Variants in CHRM3 observed in about 807,000 individuals in gnomAD.
CHRM3 encodes muscarinic acetylcholine receptor M3.
In CHRM3, 11 loss-of-function variants were observed where a neutral mutation model predicts 41.8. The observed-to-expected ratio is 0.26, with a 90% CI of 0.17 to 0.44. The LOEUF is 0.44. Ranked by LOEUF, CHRM3 falls within the 20% of genes least tolerant of loss-of-function variation. The probability of loss-of-function intolerance (pLI) is 1.00; values close to 1 mark genes in which losing one functional copy is unlikely to be tolerated. For missense variants in CHRM3, 571 were observed against 745.4 expected (o/e 0.77, Z 2.72); for synonymous variants, 297 against 301.4 (o/e 0.99, Z 0.15).
chr1:239,779,706 G>T (rs114982442), intron 5 of CHRM3, among the ~76,000 whole-genome samples: 2 of 152,174 alleles, frequency 1.3e-5, no homozygotes, highest in African/African-American at 4.8e-5. Flanking sequence ...CTGTACTCCA[G>T]ACTTGGCAAC....
intron 2 of CHRM3, among the ~76,000 whole-genome samples, chr1:239,545,247 TG>T (rs933406383): frequency 6.6e-5 from 10 of 152,306 alleles, no homozygotes; most frequent in African/African-American, 2.4e-4. Flanking sequence ...AGGTATTACA[TG>T]TTCTCACTTA....
intron 4 of CHRM3, among the ~76,000 whole-genome samples, chr1:239,662,884 T>TTCC (rs879733766): frequency 0.48 from 54,827 of 113,632 alleles, 17,412 homozygotes; most frequent in East Asian, 0.66. Flanking sequence ...CTTTCTCCTC[T>TTCC]TCCTCCTCCT....
chr1:239,690,253 A>C lies in CHRM3; in HGVS notation c.-147+11965A>C, dbSNP rs184496477. Among the ~76,000 whole-genome samples, 658 of 152,090 alleles carry C rather than the reference A, an allele frequency of 4.3e-3. 1 individual carries two copies. The highest frequency in any genetic ancestry group is 5.9e-3 in the Non-Finnish European group (399 of 67,992). ...TTATTTTATTTTATTTTAGAGACAG[A>C]GTCTCTCTGTCACCAGGCTGGAGTG... is the stretch of plus-strand genomic sequence containing the variant. On this transcript the variant is annotated intron_variant, in intron 5 of 6. Coordinates refer to ENST00000676153, the MANE Select transcript of CHRM3 (RefSeq NM_001375978.1).
At chr1:239,464,504 C>T (rs1665586314) in intron 1 of CHRM3, among the ~76,000 whole-genome samples, 1 of 152,114 alleles carries the variant, frequency 6.6e-6, no homozygotes, top group Non-Finnish European at 1.5e-5. Flanking sequence ...CCCTCTGTTT[C>T]GTCCCCAAAG....
intron 6 of CHRM3, among the ~76,000 whole-genome samples, chr1:239,865,107 T>A (rs1184430922): frequency 6.6e-6 from 1 of 152,188 alleles, no homozygotes; most frequent in Non-Finnish European, 1.5e-5. Context: ...TAAATTATAG[T>A]CCATTCACAC....
chr1:239,404,876 C>T (rs1335978036), intron 1 of CHRM3, among the ~76,000 whole-genome samples: 1 of 151,192 alleles, frequency 6.6e-6, no homozygotes, highest in African/African-American at 2.4e-5. Context: ...AGCTGACTAT[C>T]AAAAACAGAC....
Position 239,612,997 on chromosome 1 carries a change from ACTGC to A in CHRM3, c.-312-19223_-312-19220del, listed in dbSNP as rs1001936357. 7.2e-5 allele frequency among the ~76,000 whole-genome samples: 11 copies of A among 152,280 alleles called. No individual in the cohort carries two copies. The South Asian group carries it at 1.2e-3, about 17-fold the overall frequency. On this transcript the variant is annotated intron_variant, in intron 3 of 6. Coordinates refer to ENST00000676153, the MANE Select transcript of CHRM3 (RefSeq NM_001375978.1). ...GAATTTCATGAGGTAATTAATGAAA[ACTGC>A]CTGGCATTAAGTAAACCCTGACTGT...
intron 1 of CHRM3, among the ~76,000 whole-genome samples, chr1:239,405,605 TA>T (rs201447816): frequency 8.1e-4 from 120 of 148,934 alleles, no homozygotes; most frequent in Middle Eastern, 3.5e-3. Context: ...CATTTTTCTT[TA>T]AAAAAAAAAA....
chr1:239,658,207 G>A lies in CHRM3; in HGVS notation c.-249-19979G>A, dbSNP rs575697241. 4.6e-5 allele frequency among the ~76,000 whole-genome samples: 7 copies of A among 152,228 alleles called. No homozygotes were observed. In the East Asian group the frequency reaches 9.7e-4, roughly 21 times the overall value. On this transcript the variant is annotated intron_variant, in intron 4 of 6. Coordinates refer to ENST00000676153, the MANE Select transcript of CHRM3 (RefSeq NM_001375978.1). ...CTCTTTGGGCTTCAAACAATAAAGC[G>A]AGTTTACTATCATAAAACAAATCTG...
intron 5 of CHRM3, among the ~76,000 whole-genome samples, chr1:239,773,219 G>T (rs1157848550): frequency 6.6e-6 from 1 of 152,098 alleles, no homozygotes; most frequent in Non-Finnish European, 1.5e-5. Flanking sequence ...ACCACCGAAA[G>T]GTTGTAGGTA....
intron 1 of CHRM3, among the ~76,000 whole-genome samples, chr1:239,404,108 G>T (rs1225827062): frequency 6.6e-6 from 1 of 150,406 alleles, no homozygotes; most frequent in Non-Finnish European, 1.5e-5. Flanking sequence ...CTAACACAGT[G>T]AAACCCCGTC....
chr1:239,419,286 G>A (rs1661743603), intron 1 of CHRM3, among the ~76,000 whole-genome samples: 1 of 151,032 alleles, frequency 6.6e-6, no homozygotes, highest in Non-Finnish European at 1.5e-5. Context: ...GACTTTAGAT[G>A]TCCAGCTATC....
At chr1:239,612,152 C>T (rs1181479278) in intron 3 of CHRM3, among the ~76,000 whole-genome samples, 2 of 152,146 alleles carry the variant, frequency 1.3e-5, no homozygotes, top group Non-Finnish European at 2.9e-5. Flanking sequence ...TAGATCTCAG[C>T]ATTTCATCAT....
At chr1:239,860,009 C>T (rs1675505726) in intron 6 of CHRM3, among the ~76,000 whole-genome samples, 1 of 152,012 alleles carries the variant, frequency 6.6e-6, no homozygotes, top group Non-Finnish European at 1.5e-5. Context: ...ATGCAGACTG[C>T]AGTGTGTAGC....
chr1:239,689,369 G>T (rs1373647471), intron 5 of CHRM3, among the ~76,000 whole-genome samples: 1 of 151,900 alleles, frequency 6.6e-6, no homozygotes, highest in African/African-American at 2.4e-5. Context: ...CTTTGTGCAC[G>T]CAGAAAGACT....
intron 1 of CHRM3, among the ~76,000 whole-genome samples, chr1:239,389,214 A>G (rs917949060): frequency 1.3e-5 from 2 of 152,206 alleles, no homozygotes; most frequent in Non-Finnish European, 2.9e-5. Flanking sequence ...AAAAGGAGCA[A>G]ATGTGGAATT....
chr1:239,789,395 G>A (rs150566139), intron 5 of CHRM3, among the ~76,000 whole-genome samples: 5 of 152,274 alleles, frequency 3.3e-5, no homozygotes, highest in East Asian at 3.9e-4. Flanking sequence ...GAACACCACT[G>A]TCTCAGTGCA....
rs1207440830 is a variant in CHRM3 at position 239,912,704 on chromosome 1, G to T, written c.*3480G>T. The T allele has an allele frequency of 6.0e-6, 1 of 167,210 alleles. No homozygotes were observed. The highest frequency in any genetic ancestry group is 1.5e-5 in the Non-Finnish European group (1 of 68,206). The allele number at this position is 167,210 out of a possible 1,614,324, so 10.4% of individuals were successfully genotyped here. On this transcript the variant is annotated 3_prime_UTR_variant, in exon 7 of 7. Coordinates refer to ENST00000676153, the MANE Select transcript of CHRM3 (RefSeq NM_001375978.1). ...AAGTCTAATACCAGAGTGGCACAGAGAAGGATTCCAGGGATCAGTCAGGGT... is the reference window on the plus strand; with the variant it reads ...AAGTCTAATACCAGAGTGGCACAGATAAGGATTCCAGGGATCAGTCAGGGT...
At chr1:239,390,293 G>C (rs1658914912) in intron 1 of CHRM3, among the ~76,000 whole-genome samples, 1 of 152,138 alleles carries the variant, frequency 6.6e-6, no homozygotes, top group Non-Finnish European at 1.5e-5. Context: ...ATAAAGTTCA[G>C]CAAGTCCAGC....
Sources: gnomAD v4.1 joint callset for allele counts (sites outside exome capture counted in the v4.1 genomes callset) on GRCh38, gnomAD v4.1.1 for gene constraint, MANE v1.5 for transcripts, NCBI Gene and HGNC (gene_info 2026-07-23, HGNC 2026-07-21) for gene names.